Variants in CDC14B observed in about 807,000 individuals in gnomAD.
The protein encoded by CDC14B is cell division cycle 14B, also known as dual specificity protein phosphatase CDC14B.
In CDC14B, 22 loss-of-function variants were observed where a neutral mutation model predicts 64.2. That is an observed-to-expected ratio of 0.34 (90% CI 0.24 to 0.49). The LOEUF (loss-of-function observed/expected upper bound fraction) is 0.49, where lower values mean the gene tolerates loss of function less well. Ranked by LOEUF, CDC14B falls within the 20% of genes least tolerant of loss-of-function variation. CDC14B has a pLI of 0.99. For synonymous variants in CDC14B, 191 were observed against 215.8 expected, an observed-to-expected ratio of 0.89 and a Z score of 1.01; for missense variants, 498 against 629.9, an observed-to-expected ratio of 0.79 and a Z score of 2.24.
chr9:96,596,067 A>G (rs1846051679), intron 1 of CDC14B, among the ~76,000 whole-genome samples: 1 of 152,136 alleles, frequency 6.6e-6, no homozygotes, highest in Non-Finnish European at 1.5e-5. Context: ...TTTAAAAAGA[A>G]AAGAAAAGAA....
intron 9 of CDC14B, among the ~76,000 whole-genome samples, chr9:96,530,708 T>C (rs1420541899): frequency 2.0e-5 from 3 of 151,740 alleles, no homozygotes; most frequent in Non-Finnish European, 4.4e-5. Flanking sequence ...CCATGTTAAA[T>C]AGAAGCCACA....
chr9:96,560,728 G>A (rs1273263402), intron 4 of CDC14B, among the ~76,000 whole-genome samples: 4 of 148,326 alleles, frequency 2.7e-5, no homozygotes, highest in East Asian at 2.0e-4. Context: ...GATTACAGGC[G>A]CCTGCCACCA....
At chr9:96,589,583 T>C (rs529877541) in intron 1 of CDC14B, among the ~76,000 whole-genome samples, 2 of 152,248 alleles carry the variant, frequency 1.3e-5, no homozygotes, top group South Asian at 4.2e-4. Flanking sequence ...CCTAATGTAA[T>C]TTAGGAAAGA....
intron 9 of CDC14B, among the ~76,000 whole-genome samples, chr9:96,531,927 G>C (rs1838552953): frequency 6.6e-6 from 1 of 152,010 alleles, no homozygotes; most frequent in African/African-American, 2.4e-5. Flanking sequence ...CCCCTTTAGA[G>C]TTTCTTGCAA....
downstream of CDC14B, among the ~76,000 whole-genome samples, chr9:96,498,373 G>A (rs1245864888): frequency 6.6e-6 from 1 of 152,242 alleles, no homozygotes; most frequent in African/African-American, 2.4e-5. Flanking sequence ...TGGCGGAGCT[G>A]GGGCAGATAC....
intron 1 of CDC14B, among the ~76,000 whole-genome samples, chr9:96,601,491 A>G (rs7855769): frequency 0.98 from 148,122 of 150,570 alleles, 72,865 homozygotes; most frequent in East Asian, 1. Context: ...AAGAGACTCC[A>G]TCTCAAAAAA....
At chr9:96,567,275 C>T in intron 1 of CDC14B, 1 of 159,710 alleles carries the variant, frequency 6.3e-6, no homozygotes, top group Non-Finnish European at 1.4e-5. Context: ...AGGCCAGGGA[C>T]AGACCCGAGG....
chr9:96,543,099 G>A (rs892897648), intron 5 of CDC14B, among the ~76,000 whole-genome samples: 2 of 152,144 alleles, frequency 1.3e-5, no homozygotes, highest in Non-Finnish European at 2.9e-5. Flanking sequence ...CACTTTGCGA[G>A]GCCGAGGCAA....
downstream of CDC14B, among the ~76,000 whole-genome samples, chr9:96,496,601 C>T (rs1250191557): frequency 6.6e-6 from 1 of 152,236 alleles, no homozygotes; most frequent in Non-Finnish European, 1.5e-5. Flanking sequence ...CGCGGTCCTG[C>T]CGGGGCGCTC....
chr9:96,496,500 T>G, downstream of CDC14B: 1 of 397,946 alleles, frequency 2.5e-6, no homozygotes, highest in Non-Finnish European at 5.1e-6. Flanking sequence ...CAAACTTGGG[T>G]TGGGGCCCAG....
At chr9:96,537,007 TG>T (rs1388974589) in intron 7 of CDC14B, among the ~76,000 whole-genome samples, 1 of 152,108 alleles carries the variant, frequency 6.6e-6, no homozygotes, top group African/African-American at 2.4e-5. Flanking sequence ...AAATTTTGTG[TG>T]GTTGGGTGCC....
chr9:96,606,441 G>C (rs1197921867), intron 1 of CDC14B, among the ~76,000 whole-genome samples: 1 of 150,856 alleles, frequency 6.6e-6, no homozygotes, highest in African/African-American at 2.4e-5. Context: ...CAAGTACTTT[G>C]GGAAGCCTGG....
intron 12 of CDC14B, among the ~76,000 whole-genome samples, chr9:96,511,922 A>C (rs1190350466): frequency 2.0e-5 from 3 of 152,182 alleles, no homozygotes; most frequent in Non-Finnish European, 2.9e-5. Context: ...AGCAATTCCC[A>C]CACCAAAGAA....
At chr9:96,494,053 T>G (rs1833156156) in intron 13 of CDC14B, among the ~76,000 whole-genome samples, 1 of 152,258 alleles carries the variant, frequency 6.6e-6, no homozygotes, top group Admixed American at 6.5e-5. Context: ...GCCTGGTTAC[T>G]GAAGGAGCAG....
At chr9:96,579,979 TATATATA>T (rs1845047168) in intron 1 of CDC14B, among the ~76,000 whole-genome samples, 1 of 152,048 alleles carries the variant, frequency 6.6e-6, no homozygotes, top group African/African-American at 2.4e-5. Context: ...TAACAAGGAC[TATATATA>T]AATAAAAAAC....
At chr9:96,582,773 C>T (rs934252631) in intron 1 of CDC14B, among the ~76,000 whole-genome samples, 2 of 152,190 alleles carry the variant, frequency 1.3e-5, no homozygotes, top group African/African-American at 4.8e-5. Flanking sequence ...TCCTGTGTCA[C>T]TGGATGCTGT....
rs368724333 is a variant in CDC14B at position 96,618,504 on chromosome 9, C to T, written c.160+715G>A. 8.2e-4 allele frequency: 440 copies of T among 533,460 alleles called. 6 individuals are homozygous for T. The highest frequency in any genetic ancestry group is 6.0e-3 in the South Asian group (427 of 71,582). 33.0% of individuals were successfully genotyped at this position (533,460 alleles called of 1,614,324 possible). On this transcript the variant is annotated intron_variant, in intron 1 of 13. Transcript: ENST00000375241. Reference sequence around the variant, plus strand: ...AGGGCTGCTTGGCTACCTGCTCTGGCTGGCTGGGATTTCTCAAAAGTGACA... The same window carrying T: ...AGGGCTGCTTGGCTACCTGCTCTGGTTGGCTGGGATTTCTCAAAAGTGACA...
chr9:96,612,328 C>T (rs1847373186), intron 1 of CDC14B, among the ~76,000 whole-genome samples: 1 of 152,230 alleles, frequency 6.6e-6, no homozygotes, highest in African/African-American at 2.4e-5. Flanking sequence ...CCCTTCCAGC[C>T]GTGATGACTG....
intron 4 of CDC14B, among the ~76,000 whole-genome samples, chr9:96,556,316 T>C (rs1842498944): frequency 6.6e-6 from 1 of 152,050 alleles, no homozygotes; most frequent in Non-Finnish European, 1.5e-5. Flanking sequence ...ATACAGTCTT[T>C]CCTACGCCAA....
Sources: allele counts gnomAD v4.1 joint callset (sites outside exome capture counted in the v4.1 genomes callset), GRCh38; gene constraint gnomAD v4.1.1; transcripts MANE v1.5; gene names NCBI Gene and HGNC (gene_info 2026-07-23, HGNC 2026-07-21).